Variants in DLGAP1 observed in about 807,000 individuals in gnomAD.
DLGAP1 encodes the protein DLG associated protein 1, also known as disks large-associated protein 1.
A neutral mutation model predicts 90.8 loss-of-function variants in DLGAP1; 11 were observed. That is an observed-to-expected ratio of 0.12 (90% CI 0.08 to 0.20). The LOEUF is 0.20. DLGAP1 is among the 10% of genes least tolerant of loss of function. The probability of loss-of-function intolerance (pLI) is 1.00; values close to 1 mark genes in which losing one functional copy is unlikely to be tolerated. For synonymous variants in DLGAP1, 558 were observed against 540.7 expected (o/e 1.03, Z -0.44); for missense variants, 1,050 against 1,333.8 (o/e 0.79, Z 3.31).
intron 7 of DLGAP1, among the ~76,000 whole-genome samples, chr18:3,683,841 T>C (rs2060606396): frequency 6.6e-6 from 1 of 152,192 alleles, no homozygotes; most frequent in African/African-American, 2.4e-5. Context: ...GATCTCTTAC[T>C]AGAGGTATGT....
chr18:4,316,414 G>A (rs1176615631), intron 1 of DLGAP1, among the ~76,000 whole-genome samples: 1 of 152,168 alleles, frequency 6.6e-6, no homozygotes, highest in Non-Finnish European at 1.5e-5. Context: ...TGATGGGGAA[G>A]ATGGGAATCA....
chr18:3,886,910 G>C (rs1231615954), intron 3 of DLGAP1, among the ~76,000 whole-genome samples: 2 of 152,180 alleles, frequency 1.3e-5, no homozygotes, highest in Non-Finnish European at 2.9e-5. Context: ...ACGCAGCTGT[G>C]GGGGCTGGGT....
chr18:4,380,898 G>A (rs149417578), intron 1 of DLGAP1, among the ~76,000 whole-genome samples: 32 of 152,220 alleles, frequency 2.1e-4, no homozygotes, highest in African/African-American at 7.7e-4. Context: ...GTTCTCCACT[G>A]GTACATACAT....
chr18:3,800,527 A>C (rs1404330290), intron 5 of DLGAP1, among the ~76,000 whole-genome samples: 1 of 152,256 alleles, frequency 6.6e-6, no homozygotes, highest in African/African-American at 2.4e-5. Context: ...TGAAAAGAGC[A>C]AATTGTAGAA....
chr18:4,124,408 C>T (rs73386708), intron 2 of DLGAP1, among the ~76,000 whole-genome samples: 1 of 152,256 alleles, frequency 6.6e-6, no homozygotes, highest in Admixed American at 6.5e-5. Context: ...CTGTAAATAG[C>T]TTAGAATGTT....
At chr18:4,049,667 T>A (rs2075104499) in intron 2 of DLGAP1, among the ~76,000 whole-genome samples, 1 of 152,130 alleles carries the variant, frequency 6.6e-6, no homozygotes, top group South Asian at 2.1e-4. Context: ...TCAGTTCCTG[T>A]CTCCAGCATG....
At chr18:4,449,881 G>A (rs1042602612) in intron 1 of DLGAP1, among the ~76,000 whole-genome samples, 1 of 152,282 alleles carries the variant, frequency 6.6e-6, no homozygotes, top group Non-Finnish European at 1.5e-5. Context: ...CTCCATAGAA[G>A]CTCTAGAATC....
chr18:3,934,437 T>C (rs1343513495), intron 3 of DLGAP1, among the ~76,000 whole-genome samples: 1 of 152,098 alleles, frequency 6.6e-6, no homozygotes, highest in Non-Finnish European at 1.5e-5. Flanking sequence ...GCATCTGCTA[T>C]ATGTTGGTAT....
chr18:4,390,889 C>T (rs1483968676), intron 1 of DLGAP1, among the ~76,000 whole-genome samples: 2 of 152,156 alleles, frequency 1.3e-5, no homozygotes, highest in Non-Finnish European at 2.9e-5. Flanking sequence ...TTCTCTTTTG[C>T]CTCTGACCTG....
intron 7 of DLGAP1, among the ~76,000 whole-genome samples, chr18:3,624,173 C>A (rs1190136199): frequency 2.0e-5 from 3 of 152,222 alleles, no homozygotes; most frequent in African/African-American, 7.2e-5. Context: ...ATGAGCCTGT[C>A]CAACGGTTGG....
chr18:4,220,279 T>A (rs374612786), intron 1 of DLGAP1, among the ~76,000 whole-genome samples: 6 of 40,896 alleles, frequency 1.5e-4, no homozygotes, highest in Admixed American at 7.0e-4. Flanking sequence ...ACATAAAATC[T>A]AAATCTCTCT....
Position 4,411,643 on chromosome 18 carries a change from C to T in DLGAP1, c.-267+43363G>A, listed in dbSNP as rs950444518. 3.3e-5 allele frequency among the ~76,000 whole-genome samples: 5 copies of T among 152,270 alleles called. No homozygotes were observed. In the East Asian group the frequency reaches 9.6e-4, roughly 29 times the overall value. The stretch of plus-strand genomic sequence containing the variant: ...TCAGCGAGGCAGCTTTTCTTCTCCA[C>T]GTGAGATTGGCTGGAGTCATCTGAA... On this transcript the variant is annotated intron_variant, in intron 1 of 12. Coordinates refer to ENST00000315677, the MANE Select transcript of DLGAP1 (RefSeq NM_004746.4).
chr18:3,514,366 T>C (rs1281162270), intron 10 of DLGAP1, among the ~76,000 whole-genome samples: 1 of 152,152 alleles, frequency 6.6e-6, no homozygotes, highest in Non-Finnish European at 1.5e-5. Context: ...AGAATAGACA[T>C]ATTTCTTATA....
intron 1 of DLGAP1, among the ~76,000 whole-genome samples, chr18:4,210,892 A>T (rs1351575772): frequency 6.6e-6 from 1 of 152,124 alleles, no homozygotes; most frequent in Non-Finnish European, 1.5e-5. Context: ...AGCCCAGGAG[A>T]GGTTCAGTGA....
chr18:4,445,065 G>C (rs1304177602), intron 1 of DLGAP1, among the ~76,000 whole-genome samples: 1 of 152,058 alleles, frequency 6.6e-6, no homozygotes, highest in East Asian at 1.9e-4. Context: ...TCCTTAATTA[G>C]CACCTCAAAT....
At chr18:4,062,803 ACTTT>A (rs1329206896) in intron 2 of DLGAP1, among the ~76,000 whole-genome samples, 2 of 152,024 alleles carry the variant, frequency 1.3e-5, no homozygotes, top group Non-Finnish European at 2.9e-5. Context: ...AATTGTTTTA[ACTTT>A]CTTTTTTTTC....
chr18:4,197,248 G>C (rs867364788), intron 1 of DLGAP1, among the ~76,000 whole-genome samples: 1 of 149,802 alleles, frequency 6.7e-6, no homozygotes, highest in South Asian at 2.1e-4. Flanking sequence ...CCAGAGAAAG[G>C]CTTCCCAAAT....
At chr18:3,710,337 G>C (rs1335684466) in intron 7 of DLGAP1, among the ~76,000 whole-genome samples, 1 of 152,128 alleles carries the variant, frequency 6.6e-6, no homozygotes, top group African/African-American at 2.4e-5. Context: ...TTTTGATAGG[G>C]GCCCTACGTC....
chr18:3,823,048 C>T (rs1361754813), intron 4 of DLGAP1, among the ~76,000 whole-genome samples: 8 of 152,190 alleles, frequency 5.3e-5, no homozygotes, highest in South Asian at 2.1e-4. Context: ...ACTATTTTGA[C>T]GGTAGTGAAT....
Sources: gnomAD v4.1 joint callset for allele counts (sites outside exome capture counted in the v4.1 genomes callset) on GRCh38, gnomAD v4.1.1 for gene constraint, MANE v1.5 for transcripts, NCBI Gene and HGNC (gene_info 2026-07-23, HGNC 2026-07-21) for gene names.